EPB41L4B: variants seen among roughly 807,000 people sequenced by gnomAD.
EPB41L4B encodes the protein erythrocyte membrane protein band 4.1 like 4B, also known as band 4.1-like protein 4B.
Under a neutral mutation model 112.5 loss-of-function variants are expected in EPB41L4B, and 30 were observed. The observed-to-expected ratio is 0.27, with a 90% CI of 0.20 to 0.36. The LOEUF is 0.36. Ranked by LOEUF, EPB41L4B falls within the 10% of genes least tolerant of loss-of-function variation. The probability of loss-of-function intolerance (pLI) is 1.00; values close to 1 mark genes in which losing one functional copy is unlikely to be tolerated. For synonymous variants in EPB41L4B, 408 were observed against 439.7 expected (o/e 0.93, Z 0.90); for missense variants, 1,024 against 1,133.3 (o/e 0.90, Z 1.38).
Position 109,217,037 on chromosome 9 carries a change from G to GTGGTGA in EPB41L4B, c.1512_1517dup (p.His505_His506dup). The GTGGTGA allele has an allele frequency of 6.2e-7, 1 of 1,614,206 alleles. No homozygotes were observed. Among genetic ancestry groups the GTGGTGA allele is most frequent in the Non-Finnish European group, 8.5e-7 (1 of 1,180,036 alleles). On this transcript the variant is annotated inframe_insertion, in exon 16 of 26. Coordinates refer to ENST00000374566, the MANE Select transcript of EPB41L4B (RefSeq NM_019114.5). The stretch of plus-strand genomic sequence containing the variant: ...GGTGCTGATGCTGATGCTGGTGCTG[G>GTGGTGA]TGGTGATGCCTTCCTGAAGCTGCGG...
Position 109,176,543 on chromosome 9 carries a change from T to C in EPB41L4B, c.2633+8A>G. ...AATTACCTGTCGGAACCTGCTGACC[T>C]GACCTACCTGGCTGCCAGAGAAACA... is the stretch of plus-strand genomic sequence containing the variant. On this transcript the variant is annotated splice_region_variant and intron_variant, in intron 25 of 25. Transcript: ENST00000374566. 6.2e-7 allele frequency: 1 copy of C among 1,602,818 alleles called. No individual in the cohort carries two copies. The highest frequency in any genetic ancestry group is 8.5e-7 in the Non-Finnish European group (1 of 1,174,464).
intron 7 of EPB41L4B, 69 bp from the exon 8 acceptor site, chr9:109,256,549 C>T: frequency 7.4e-7 from 1 of 1,344,812 alleles, no homozygotes; most frequent in South Asian, 1.2e-5. Flanking sequence ...AAGGGCACGG[C>T]CTTACTATGG....
intron 15 of EPB41L4B, among the ~76,000 whole-genome samples, chr9:109,233,150 T>G (rs1834010787): frequency 6.6e-6 from 1 of 152,214 alleles, no homozygotes; most frequent in African/African-American, 2.4e-5. Flanking sequence ...GTTCCTCTAA[T>G]TATTCTAATC....
intron 19 of EPB41L4B, among the ~76,000 whole-genome samples, chr9:109,202,394 C>T (rs943485078): frequency 2.6e-5 from 4 of 152,134 alleles, no homozygotes; most frequent in Admixed American, 6.5e-5. Flanking sequence ...CCTAGGTGCC[C>T]GCTAACATGA....
intron 17 of EPB41L4B, among the ~76,000 whole-genome samples, chr9:109,212,252 GC>G (rs1833208476): frequency 6.6e-6 from 1 of 152,244 alleles, no homozygotes; most frequent in East Asian, 1.9e-4. Context: ...GTCTGGATAA[GC>G]CCCCATTAAA....
In EPB41L4B at chr9:109,252,145, C is replaced by T. The variant is rs369299873; in HGVS notation, c.1280-634G>A. 3.9e-5 allele frequency among the ~76,000 whole-genome samples: 6 copies of T among 152,208 alleles called. No homozygotes were observed. The East Asian group carries it at 5.8e-4, about 15-fold the overall frequency. On this transcript the variant is annotated intron_variant, in intron 12 of 25. Transcript: ENST00000374566. ...CATCTGGTGGGGTCAAACCACAGGA[C>T]GTCCACTTCCCTCTGTGACAGCCAC...
intron 15 of EPB41L4B, among the ~76,000 whole-genome samples, chr9:109,233,784 G>A (rs112770057): frequency 0.02 from 3,049 of 151,982 alleles, 93 homozygotes; most frequent in African/African-American, 0.069. Flanking sequence ...CACCAACCTC[G>A]GCCTCCCAAA....
rs544849424 is a variant in EPB41L4B, at chr9:109,260,358, C to T, written c.632-2061G>A. ...GTGCTGAGATTACAGGCATGAGCCA[C>T]CATGCCCAGCCAAGTCTTTTTATTT... On this transcript the variant is annotated intron_variant, in intron 6 of 25. Transcript: ENST00000374566. 1.1e-4 allele frequency among the ~76,000 whole-genome samples: 16 copies of T among 151,888 alleles called. No individual in the cohort carries two copies. The South Asian group carries it at 3.1e-3, about 30-fold the overall frequency.
rs148816139 is a variant in EPB41L4B, at chr9:109,293,536, C to T, written c.307-13615G>A. Among the ~76,000 whole-genome samples the T allele has an allele frequency of 6.1e-3, 921 of 151,948 alleles. 15 individuals carry two copies. Among genetic ancestry groups the T allele is most frequent in the East Asian group, 0.058 (300 of 5,150 alleles). The stretch of plus-strand genomic sequence containing the variant: ...TAGCTGGTATTACAGGCACCCGCCA[C>T]CACGCTCGGCTAATTTTTTGTATTT... On this transcript the variant is annotated intron_variant, in intron 1 of 25. Coordinates refer to ENST00000374566, the MANE Select transcript of EPB41L4B (RefSeq NM_019114.5).
intron 11 of EPB41L4B, among the ~76,000 whole-genome samples, chr9:109,254,413 A>C (rs1834906016): frequency 7.3e-6 from 1 of 136,438 alleles, no homozygotes; most frequent in South Asian, 2.7e-4. Context: ...GGAGCATTTA[A>C]AACAAAATAA....
At chr9:109,184,212 G>A (rs1243042377) in intron 23 of EPB41L4B, among the ~76,000 whole-genome samples, 1 of 152,138 alleles carries the variant, frequency 6.6e-6, no homozygotes, top group Non-Finnish European at 1.5e-5. Context: ...AGCAGAAAGG[G>A]AAAGTGGTTT....
In EPB41L4B at chr9:109,312,737, C is replaced by A. The variant is rs145316625; in HGVS notation, c.306+7404G>T. ...TGGGGTCCCGACATCATCTTCATTT[C>A]AAAGGCAACTCACTCACTCACTCCT... On this transcript the variant is annotated intron_variant, in intron 1 of 25. Transcript: ENST00000374566. 2.0e-3 allele frequency among the ~76,000 whole-genome samples: 301 copies of A among 152,334 alleles called. 2 individuals carry two copies. Among genetic ancestry groups the A allele is most frequent in the Non-Finnish European group, 3.9e-3 (264 of 68,028 alleles).
intron 1 of EPB41L4B, among the ~76,000 whole-genome samples, chr9:109,285,971 T>C (rs947598488): frequency 6.6e-6 from 1 of 152,156 alleles, no homozygotes; most frequent in Non-Finnish European, 1.5e-5. Context: ...GTACTGCAGC[T>C]GCCTGTGCTC....
Position 109,217,053 on chromosome 9 carries a change from G to A in EPB41L4B, c.1502C>T (p.Ser501Leu). The A allele has an allele frequency of 6.2e-7, 1 of 1,614,200 alleles. No individual in the cohort carries two copies. Residue 501 changes from serine to leucine, a missense_variant, in exon 16 of 26, where the codon TCA becomes TTA. Coordinates refer to ENST00000374566, the MANE Select transcript of EPB41L4B (RefSeq NM_019114.5). ...CTGGTGCTGGTGGTGATGCCTTCCT[G>A]AAGCTGCGGTGAGGAACGGTGTGCC... ...NGGTPFLTAA[S>L]GRHHHQHQHQ... is the part of the protein sequence containing the mutation.
chr9:109,262,343 A>G lies in EPB41L4B; in HGVS notation c.631+707T>C, dbSNP rs189883692. Among the ~76,000 whole-genome samples the G allele has an allele frequency of 1.6e-4, 25 of 151,962 alleles. No individual in the cohort carries two copies. In the East Asian group the frequency reaches 4.4e-3, roughly 27 times the overall value. ...AGTCCACCTCTTCTAACCTCTATCCATCCCCAGAAACAGCCTGAGAATCAT... is the reference window on the plus strand; with the variant it reads ...AGTCCACCTCTTCTAACCTCTATCCGTCCCCAGAAACAGCCTGAGAATCAT... On this transcript the variant is annotated intron_variant, in intron 6 of 25. Transcript: ENST00000374566.
intron 7 of EPB41L4B, among the ~76,000 whole-genome samples, chr9:109,257,358 G>A (rs1466359162): frequency 6.6e-6 from 1 of 152,126 alleles, no homozygotes; most frequent in Non-Finnish European, 1.5e-5. Flanking sequence ...GTCCAGGCAT[G>A]AAAGTGGTGC....
At chr9:109,260,617 G>T (rs2119048129) in intron 6 of EPB41L4B, among the ~76,000 whole-genome samples, 1 of 152,164 alleles carries the variant, frequency 6.6e-6, no homozygotes, top group Non-Finnish European at 1.5e-5. Flanking sequence ...GTTTTACTAT[G>T]TTGGCCAGGC....
intron 15 of EPB41L4B, among the ~76,000 whole-genome samples, chr9:109,234,440 C>G (rs1405703296): frequency 6.6e-6 from 1 of 152,096 alleles, no homozygotes; most frequent in East Asian, 1.9e-4. Flanking sequence ...TGGAGTAGCT[C>G]TAGATTGACA....
At chr9:109,307,100 C>A in intron 1 of EPB41L4B, 2 of 223,526 alleles carry the variant, frequency 8.9e-6, no homozygotes, top group Non-Finnish European at 1.8e-5. Context: ...GCAACTGTAA[C>A]TATCTGGAAA....
Sources: allele counts gnomAD v4.1 joint callset (sites outside exome capture counted in the v4.1 genomes callset), GRCh38; gene constraint gnomAD v4.1.1; transcripts MANE v1.5; gene names NCBI Gene and HGNC (gene_info 2026-07-23, HGNC 2026-07-21).